The following DNAH10 variants were observed in gnomAD, a reference collection of about 807,000 sequenced individuals.
The protein encoded by DNAH10 is dynein axonemal heavy chain 10.
DNAH10 carries 348 observed loss-of-function variants against 506.6 expected under a neutral mutation model. The observed-to-expected ratio is 0.69, with a 90% CI of 0.63 to 0.75. DNAH10 has a LOEUF of 0.75. Ranked by LOEUF, DNAH10 falls within the 30% of genes least tolerant of loss-of-function variation. The pLI is 0.00. For synonymous variants in DNAH10, 2,059 were observed against 2,198.6 expected, an observed-to-expected ratio of 0.94 and a Z score of 1.78; for missense variants, 5,179 against 5,787.1, an observed-to-expected ratio of 0.89 and a Z score of 3.41.
intron 28 of DNAH10, among the ~76,000 whole-genome samples, chr12:123,836,100 A>C (rs917672026): frequency 6.6e-6 from 1 of 152,202 alleles, no homozygotes; most frequent in Non-Finnish European, 1.5e-5. Context: ...GGAAAAATGT[A>C]TCTCTCATGG....
At position 123,859,245 on chromosome 12, in the gene DNAH10, C is replaced by T; in HGVS notation, c.6726C>T (p.Asn2242=). The T allele has an allele frequency of 1.2e-6, 2 of 1,609,012 alleles. No homozygotes were observed. Among genetic ancestry groups the T allele is most frequent in the South Asian group, 2.2e-5 (2 of 89,520 alleles). Residue 2242 remains asparagine (N), a synonymous_variant, in exon 38 of 79, where the codon AAC becomes AAT. Coordinates refer to ENST00000673944, the MANE Select transcript of DNAH10 (RefSeq NM_001372106.1). ...PTRGGKSVVI[N]TLCQAQTKLG... is the part of the protein sequence containing the mutation. ...GAGGGGGCAAGTCCGTCGTCATTAA[C>T]ACTCTGTGTCAGGCCCAGACCAAGT...
intron 18 of DNAH10, 103 bp from the exon 19 acceptor site, chr12:123,808,694 C>T: frequency 8.0e-7 from 1 of 1,245,030 alleles, no homozygotes; most frequent in Admixed American, 1.8e-5. Flanking sequence ...TGTGCCATTG[C>T]CTGTACCTGT....
chr12:123,855,668 A>G (rs546932206), intron 36 of DNAH10, among the ~76,000 whole-genome samples: 47 of 150,182 alleles, frequency 3.1e-4, no homozygotes, highest in South Asian at 2.7e-3. Context: ...AAAAGTATAT[A>G]TATATATATG....
intron 40 of DNAH10, among the ~76,000 whole-genome samples, chr12:123,865,395 C>T (rs1207388938): frequency 6.6e-6 from 1 of 152,120 alleles, no homozygotes; most frequent in Admixed American, 6.6e-5. Context: ...CTGGGACTTG[C>T]TTTCACTCTA....
At chr12:123,825,611 A>T (rs187900909) in intron 24 of DNAH10, among the ~76,000 whole-genome samples, 1 of 152,326 alleles carries the variant, frequency 6.6e-6, no homozygotes, top group East Asian at 1.9e-4. Flanking sequence ...TTATGGTGGC[A>T]GTACACAGAT....
intron 27 of DNAH10, among the ~76,000 whole-genome samples, chr12:123,834,504 A>C (rs972952777): frequency 2.0e-5 from 3 of 152,218 alleles, no homozygotes; most frequent in Admixed American, 1.3e-4. Context: ...CACTGTGTTC[A>C]GTCAAAAAAA....
chr12:123,907,675 C>T lies in DNAH10; in HGVS notation c.9816-1586C>T, dbSNP rs1325899792. On this transcript the variant is annotated intron_variant, in intron 57 of 78. Coordinates refer to ENST00000673944, the MANE Select transcript of DNAH10 (RefSeq NM_001372106.1). This position sits in a 1 kb window ranked among gnomAD's most constrained non-coding sequence, Gnocchi z 4.4. ...TAACTTGCCCAAGGGCTCAGGACCC[C>T]GCCGCAGGCCTGGGCTCCTTCTGTC... Among the ~76,000 whole-genome samples, 1 of 152,196 alleles carries T rather than the reference C, an allele frequency of 6.6e-6. No individual in the cohort carries two copies. The highest frequency in any genetic ancestry group is 2.4e-5 in the African/African-American group (1 of 41,444).
At chr12:123,873,036 A>G (rs559169376) in intron 45 of DNAH10, among the ~76,000 whole-genome samples, 64 of 152,366 alleles carry the variant, frequency 4.2e-4, no homozygotes, top group Middle Eastern at 6.8e-3. Flanking sequence ...TCCTGCCGGC[A>G]GTTAGTCCCA....
chr12:123,924,284 T>C lies in DNAH10; in HGVS notation c.11618T>C (p.Ile3873Thr). ...EELDFFLKGNISLEKSKRKKP... is the reference protein window; with the variant it reads ...EELDFFLKGNTSLEKSKRKKP... ...TCTCTTCTGTTGTGATTAGGAAACA[T>C]TTCCCTGGAGAAAAGCAAAAGAAAA... Residue 3873 changes from isoleucine to threonine, a missense_variant, in exon 67 of 79, where the codon ATT becomes ACT. By Grantham distance (89) the Ile-to-Thr change is moderately conservative. Transcript: ENST00000673944. 1 of 1,608,404 alleles carries C rather than the reference T, an allele frequency of 6.2e-7. No individual in the cohort carries two copies. The highest frequency in any genetic ancestry group is 2.2e-5 in the East Asian group (1 of 44,744).
At chr12:123,868,945 C>T (rs1194567793) in intron 43 of DNAH10, among the ~76,000 whole-genome samples, 5 of 152,208 alleles carry the variant, frequency 3.3e-5, no homozygotes, top group Admixed American at 1.3e-4. Flanking sequence ...GCTGGCTGTG[C>T]GTTGCTGCCA....
At chr12:123,893,956 G>A (rs538360127) in intron 53 of DNAH10, among the ~76,000 whole-genome samples, 3 of 152,122 alleles carry the variant, frequency 2.0e-5, no homozygotes, top group African/African-American at 7.2e-5. Context: ...TGTCAATAGC[G>A]CCAAGGGTGA....
In DNAH10 at chr12:123,771,682, A is replaced by G; in HGVS notation, c.380A>G (p.Glu127Gly). The G allele has an allele frequency of 1.2e-6, 2 of 1,612,048 alleles. No homozygotes were observed. The highest frequency in any genetic ancestry group is 3.3e-5 in the Admixed American group (2 of 59,798). Residue 127 changes from glutamate to glycine, a missense_variant, in exon 3 of 79, where the codon GAA (glutamate) becomes GGA (glycine). Glu to Gly is a moderately conservative substitution (Grantham distance 98). Around this residue, in one of 3 missense-constraint regions of DNAH10, gnomAD observed 326 missense variants for 330.8 expected, o/e 0.99. Coordinates refer to ENST00000673944, the MANE Select transcript of DNAH10 (RefSeq NM_001372106.1). ...GAAGAAATGGACAAAGAGATTTCAG[A>G]AAAACTCCCTTCCAAAGTAAGCATG... ...EDEEMDKEIS[E>G]KLPSKRTAKH...
chr12:123,891,162 G>A (rs1952964580), intron 52 of DNAH10, among the ~76,000 whole-genome samples: 1 of 152,094 alleles, frequency 6.6e-6, no homozygotes, highest in South Asian at 2.1e-4. Flanking sequence ...TCCTTGGCTT[G>A]TAGGCACAGA....
chr12:123,865,895 A>T, intron 40 of DNAH10, 56 bp from the exon 41 acceptor site: 5 of 1,489,324 alleles, frequency 3.4e-6, no homozygotes, highest in Non-Finnish European at 4.5e-6. Context: ...GTCCTTAAAC[A>T]TCTAGTTTAT....
intron 1 of DNAH10, 86 bp from the exon 2 acceptor site, chr12:123,767,520 G>T: frequency 7.6e-7 from 1 of 1,315,598 alleles, no homozygotes; most frequent in Non-Finnish European, 1.1e-6. Flanking sequence ...CCAACCCCTT[G>T]GCTCCACAGA....
Position 123,909,256 on chromosome 12 carries a change from G to GC in DNAH10, c.9816-3dup. On this transcript the variant is annotated splice_polypyrimidine_tract_variant and splice_region_variant and intron_variant, in intron 57 of 78. Transcript: ENST00000673944. The surrounding 1 kb of genome is among the most constrained non-coding windows in gnomAD (Gnocchi z 5.4). ...TGTGACCCACGTGCCTTGGTTTCTTGCCAGGTCGTTTGCTAAGCCCCCGAA... is the reference window on the plus strand; with the variant it reads ...TGTGACCCACGTGCCTTGGTTTCTTGCCCAGGTCGTTTGCTAAGCCCCCGAA... 1.9e-6 allele frequency: 3 copies of GC among 1,612,122 alleles called. No homozygotes were observed. Among genetic ancestry groups the GC allele is most frequent in the Non-Finnish European group, 2.5e-6 (3 of 1,179,306 alleles).
At chr12:123,827,223 A>G (rs937567907) in intron 25 of DNAH10, among the ~76,000 whole-genome samples, 3 of 152,358 alleles carry the variant, frequency 2.0e-5, no homozygotes, top group Middle Eastern at 3.4e-3. Context: ...CGGAACTCAC[A>G]TATGTAATTT....
chr12:123,826,772 C>T lies in DNAH10; in HGVS notation c.4265C>T (p.Ala1422Val), dbSNP rs200519168. Residue 1422 changes from alanine to valine, a missense_variant, in exon 25 of 79, where the codon GCT (alanine) becomes GTT (valine). Physicochemically the swap from Ala to Val is moderately conservative, Grantham distance 64. Around this residue, in one of 3 missense-constraint regions of DNAH10, gnomAD observed 4,844 missense variants for 5,430.5 expected, o/e 0.89. Coordinates refer to ENST00000673944, the MANE Select transcript of DNAH10 (RefSeq NM_001372106.1). Reference sequence around the variant, plus strand: ...GAAGGAATTGAAGGTTTTCTCAGGGCTCTCAGAAAGCTACCTCGGCCAGTC... The same window carrying T: ...GAAGGAATTGAAGGTTTTCTCAGGGTTCTCAGAAAGCTACCTCGGCCAGTC... The part of the protein sequence containing the change: ...LQEGIEGFLR[A>V]LRKLPRPVRG... The T allele has an allele frequency of 1.8e-5, 29 of 1,613,970 alleles. No homozygotes were observed. Among genetic ancestry groups the T allele is most frequent in the African/African-American group, 4.0e-5 (3 of 75,054 alleles).
chr12:123,834,704 AC>A (rs1960949443), intron 27 of DNAH10, among the ~76,000 whole-genome samples: 1 of 152,114 alleles, frequency 6.6e-6, no homozygotes, highest in Admixed American at 6.5e-5. Context: ...GCACCTGGCA[AC>A]CTCCAGTCTG....
Sources: allele counts gnomAD v4.1 joint callset (sites outside exome capture counted in the v4.1 genomes callset), GRCh38; gene constraint gnomAD v4.1.1; regional missense constraint gnomAD v4.1.1; non-coding constraint Gnocchi (gnomAD v3.1); transcripts MANE v1.5; gene names NCBI Gene and HGNC (gene_info 2026-07-23, HGNC 2026-07-21).